VPS35L: variants seen among roughly 807,000 people sequenced by gnomAD.
The protein encoded by VPS35L is VPS35 endosomal protein-sorting factor-like.
VPS35L carries 83 observed loss-of-function variants against 133.0 expected under a neutral mutation model. That is an observed-to-expected ratio of 0.62 (90% CI 0.52 to 0.75). The LOEUF (loss-of-function observed/expected upper bound fraction) is 0.75, where lower values mean the gene tolerates loss of function less well. Among genes scored for constraint, VPS35L ranks in the 30% least tolerant of loss-of-function variants. VPS35L has a pLI of 0.00. For synonymous variants in VPS35L, 423 were observed against 449.9 expected, an observed-to-expected ratio of 0.94 and a Z score of 0.76; for missense variants, 1,083 against 1,206.8, an observed-to-expected ratio of 0.90 and a Z score of 1.52.
chr16:19,647,746 A>T, intron 23 of VPS35L, 38 bp from the exon 24 acceptor site: 1 of 1,518,832 alleles, frequency 6.6e-7, no homozygotes, highest in Non-Finnish European at 9.1e-7. Flanking sequence ...CTCTAAAAAT[A>T]CCACTGTCCC....
In VPS35L at chr16:19,644,938, T is replaced by C; in HGVS notation, c.1918T>C (p.Phe640Leu). ...KRMLSYLING[F>L]IKMVSFGRDF... ...AATGCTGTCATATTTGATTAATGGA[T>C]TTATAAAAATGGTAAGTATTAGGGA... is the stretch of plus-strand genomic sequence containing the variant. The change falls in exon 23 of 31, where the codon TTT (phenylalanine) becomes CTT (leucine). Residue 640 changes from phenylalanine (F) to leucine (L), a missense_variant. Transcript: ENST00000417362. The C allele has an allele frequency of 6.3e-7, 1 of 1,596,308 alleles. No individual in the cohort carries two copies. The highest frequency in any genetic ancestry group is 2.2e-5 in the East Asian group (1 of 44,752).
chr16:19,560,734 T>A (rs1265383505), intron 1 of VPS35L, among the ~76,000 whole-genome samples: 1 of 151,802 alleles, frequency 6.6e-6, no homozygotes, highest in Non-Finnish European at 1.5e-5. Flanking sequence ...AGGCGGAGGT[T>A]GCAGTGAGCC....
chr16:19,600,308 A>C (rs1164497118), intron 8 of VPS35L, among the ~76,000 whole-genome samples: 1 of 152,142 alleles, frequency 6.6e-6, no homozygotes, highest in Non-Finnish European at 1.5e-5. Flanking sequence ...ATTGAAGGTG[A>C]CTTAGGAGAG....
intron 3 of VPS35L, among the ~76,000 whole-genome samples, chr16:19,571,153 A>G (rs226876): frequency 0.56 from 84,906 of 151,708 alleles, 27,179 homozygotes; most frequent in African/African-American, 0.87. Flanking sequence ...TTACAGGCGT[A>G]AGCCACTGTG....
intron 26 of VPS35L, among the ~76,000 whole-genome samples, chr16:19,655,264 A>C (rs1597399145): frequency 6.6e-6 from 1 of 152,196 alleles, no homozygotes; most frequent in Admixed American, 6.6e-5. Context: ...ATTTTTACTC[A>C]AGTCTCTAAA....
At chr16:19,603,606 C>T (rs1473430379) in intron 9 of VPS35L, among the ~76,000 whole-genome samples, 2 of 152,160 alleles carry the variant, frequency 1.3e-5, no homozygotes, top group Admixed American at 6.5e-5. Context: ...TTCAGCAGCT[C>T]CTCCTATGTT....
intron 27 of VPS35L, among the ~76,000 whole-genome samples, chr16:19,679,397 C>T (rs1160024901): frequency 6.7e-6 from 1 of 149,340 alleles, no homozygotes; most frequent in Middle Eastern, 3.2e-3. Context: ...CAGGTGCACA[C>T]CACCACACGT....
At chr16:19,682,457 C>A (rs1173656460) in intron 28 of VPS35L, 67 bp downstream of exon 28, 2 of 1,511,342 alleles carry the variant, frequency 1.3e-6, no homozygotes, top group African/African-American at 1.4e-5. Flanking sequence ...AGAATGCTTT[C>A]ATTTTCTCTT....
intron 1 of VPS35L, among the ~76,000 whole-genome samples, chr16:19,561,798 A>G (rs1165147322): frequency 6.6e-6 from 1 of 152,144 alleles, no homozygotes; most frequent in Admixed American, 6.6e-5. Flanking sequence ...AGAAGTGCAC[A>G]TGTCTTTTGT....
chr16:19,683,335 A>G (rs1975352160), intron 28 of VPS35L, among the ~76,000 whole-genome samples: 3 of 152,202 alleles, frequency 2.0e-5, no homozygotes. Context: ...CTTCTATTTT[A>G]GATTTAGGAG....
At chr16:19,678,694 T>A (rs1460309366) in intron 27 of VPS35L, among the ~76,000 whole-genome samples, 1 of 151,778 alleles carries the variant, frequency 6.6e-6, no homozygotes, top group Non-Finnish European at 1.5e-5. Context: ...GCCAGGCTGG[T>A]TTCAAACTCC....
chr16:19,612,170 C>T (rs569219504), intron 12 of VPS35L, among the ~76,000 whole-genome samples: 1 of 152,002 alleles, frequency 6.6e-6, no homozygotes, highest in Non-Finnish European at 1.5e-5. Context: ...ATCTCTTGAC[C>T]TCATGATCCG....
In VPS35L at chr16:19,609,160, C is replaced by A. The variant is rs79203639; in HGVS notation, c.929+139C>A. 1.1e-3 allele frequency: 807 copies of A among 720,742 alleles called. 2 individuals carry two copies. Among genetic ancestry groups the A allele is most frequent in the Non-Finnish European group, 1.7e-3 (735 of 426,198 alleles). 44.6% of individuals were successfully genotyped at this position (720,742 alleles called of 1,614,324 possible). On this transcript the variant is annotated intron_variant, in intron 11 of 30. Transcript: ENST00000417362. The stretch of plus-strand genomic sequence containing the variant: ...GTTAAGCACCTTCTGTTCTTTTTCT[C>A]ATTGAATCCAAATGAAAACTGAATG...
intron 24 of VPS35L, 108 bp downstream of exon 24, chr16:19,647,990 G>A: frequency 2.9e-6 from 3 of 1,042,042 alleles, no homozygotes; most frequent in South Asian, 1.4e-5. Flanking sequence ...GTCTCACTCT[G>A]TCACCCAGGC....
chr16:19,669,380 C>T, intron 27 of VPS35L, 81 bp downstream of exon 27: 1 of 1,438,632 alleles, frequency 7.0e-7, no homozygotes. Flanking sequence ...AGGCCTAAAA[C>T]TGCAGGAACA....
At chr16:19,616,341 A>G (rs1183668583) in intron 13 of VPS35L, 150 bp downstream of exon 13, 2 of 698,442 alleles carry the variant, frequency 2.9e-6, no homozygotes, top group East Asian at 2.6e-5. Context: ...GTTGTAGACA[A>G]TTAAAATGTG....
In VPS35L at chr16:19,691,299, G is replaced by T. The variant is rs1002308325; in HGVS notation, c.2528-54G>T. ...CATGACACACGGCTGCCTCTCCCTGGCCAGCATGGCCGCGGGGCTTGGGTC... is the reference window on the plus strand; with the variant it reads ...CATGACACACGGCTGCCTCTCCCTGTCCAGCATGGCCGCGGGGCTTGGGTC... On this transcript the variant is annotated intron_variant, in intron 28 of 30. Coordinates refer to ENST00000417362, the MANE Select transcript of VPS35L (RefSeq NM_020314.7). 4.1e-6 allele frequency: 6 copies of T among 1,455,314 alleles called. No individual in the cohort carries two copies. In the African/African-American group the frequency reaches 5.6e-5, roughly 14 times the overall value. 90.2% of individuals were successfully genotyped at this position (1,455,314 alleles called of 1,614,324 possible).
intron 12 of VPS35L, among the ~76,000 whole-genome samples, chr16:19,614,125 G>A (rs1398759965): frequency 2.0e-5 from 3 of 152,102 alleles, no homozygotes; most frequent in African/African-American, 7.2e-5. Context: ...CAGCCACCAG[G>A]CCAGCCTTTG....
intron 21 of VPS35L, among the ~76,000 whole-genome samples, chr16:19,640,389 A>G (rs781482727): frequency 2.0e-5 from 3 of 152,252 alleles, no homozygotes; most frequent in East Asian, 1.9e-4. Context: ...TTCGTGTTTA[A>G]GAAGACAGAG....
Sources: gnomAD v4.1 joint callset for allele counts (sites outside exome capture counted in the v4.1 genomes callset) on GRCh38, gnomAD v4.1.1 for gene constraint, MANE v1.5 for transcripts, NCBI Gene and HGNC (gene_info 2026-07-23, HGNC 2026-07-21) for gene names.